Variants in CADM2 observed in about 807,000 individuals in gnomAD.
CADM2 encodes immunoglobulin superfamily member 4D.
A neutral mutation model predicts 49.8 loss-of-function variants in CADM2; 12 were observed. The ratio of observed to expected loss-of-function variants is 0.24; its 90% CI spans 0.15 to 0.39. CADM2 has a LOEUF of 0.39. Ranked by LOEUF, CADM2 falls within the 10% of genes least tolerant of loss-of-function variation. CADM2 has a pLI of 1.00. For missense variants in CADM2, 378 were observed against 492.3 expected, an observed-to-expected ratio of 0.77 and a Z score of 2.20; for synonymous variants, 214 against 175.4, an observed-to-expected ratio of 1.22 and a Z score of -1.74.
chr3:85,636,964 C>T (rs1385984782), intron 1 of CADM2, among the ~76,000 whole-genome samples: 2 of 152,136 alleles, frequency 1.3e-5, no homozygotes, highest in Non-Finnish European at 2.9e-5. Context: ...CATGACTGCA[C>T]TTGTTAGTTC....
At chr3:85,628,566 T>C (rs1047343680) in intron 1 of CADM2, among the ~76,000 whole-genome samples, 2 of 146,164 alleles carry the variant, frequency 1.4e-5, no homozygotes, top group African/African-American at 5.1e-5. Flanking sequence ...CACATATATA[T>C]ACATATATAC....
intron 1 of CADM2, among the ~76,000 whole-genome samples, chr3:85,299,920 G>A (rs376951337): frequency 3.9e-5 from 6 of 151,994 alleles, no homozygotes; most frequent in South Asian, 2.1e-4. Flanking sequence ...GTAGCAGATC[G>A]TCAGAAAGAC....
At chr3:85,461,224 G>C (rs1028018352) in intron 1 of CADM2, among the ~76,000 whole-genome samples, 4 of 151,954 alleles carry the variant, frequency 2.6e-5, no homozygotes, top group African/African-American at 9.7e-5. Flanking sequence ...ACATAAAAAG[G>C]CTTGCTCCCT....
At position 85,835,738 on chromosome 3, in the gene CADM2, T is replaced by A. The variant is rs1176783240; in HGVS notation, c.238+33542T>A. ...TGTATGTGTATATATATATATATCT[T>A]GCTATATGTATATAATATATAATAT... On this transcript the variant is annotated intron_variant, in intron 3 of 9. Transcript: ENST00000383699. Among the ~76,000 whole-genome samples, 5 of 142,310 alleles carry A rather than the reference T, an allele frequency of 3.5e-5. No homozygotes were observed. In the South Asian group the frequency reaches 1.1e-3, roughly 31 times the overall value. 93.4% of individuals were successfully genotyped at this position (142,310 alleles called of 152,430 possible).
At chr3:86,013,400 G>T (rs563831198) in intron 8 of CADM2, 6 of 1,542,358 alleles carry the variant, frequency 3.9e-6, no homozygotes, top group Non-Finnish European at 5.4e-6. Context: ...ATGGACAGGA[G>T]GCCGAAGAAA....
At chr3:85,942,945 C>A (rs1253753285) in intron 7 of CADM2, among the ~76,000 whole-genome samples, 1 of 152,074 alleles carries the variant, frequency 6.6e-6, no homozygotes, top group East Asian at 1.9e-4. Flanking sequence ...GTTCACAGTC[C>A]CACCAACAGT....
chr3:85,352,409 A>G (rs866368900), intron 1 of CADM2, among the ~76,000 whole-genome samples: 8 of 152,156 alleles, frequency 5.3e-5, no homozygotes, highest in African/African-American at 1.9e-4. Context: ...TAAGAAGTTT[A>G]TATTATTCTG....
intron 1 of CADM2, among the ~76,000 whole-genome samples, chr3:85,455,662 A>G (rs960191620): frequency 6.6e-6 from 1 of 152,136 alleles, no homozygotes; most frequent in African/African-American, 2.4e-5. Flanking sequence ...TTAATATCAC[A>G]GGATCCTGTA....
intron 1 of CADM2, among the ~76,000 whole-genome samples, chr3:84,979,017 A>G (rs944107748): frequency 6.6e-6 from 1 of 152,130 alleles, no homozygotes; most frequent in African/African-American, 2.4e-5. Context: ...TCACCCGGGG[A>G]AACAGCTCAT....
intron 1 of CADM2, among the ~76,000 whole-genome samples, chr3:85,136,919 T>C (rs2039429134): frequency 6.6e-6 from 1 of 151,982 alleles, no homozygotes; most frequent in African/African-American, 2.4e-5. Flanking sequence ...GAAGATGTCA[T>C]TGTCATAGGC....
chr3:85,018,978 T>C (rs1425360403), intron 1 of CADM2, among the ~76,000 whole-genome samples: 2 of 152,086 alleles, frequency 1.3e-5, no homozygotes, highest in East Asian at 3.9e-4. Flanking sequence ...GAAATAAACA[T>C]TGGGAAGGTA....
intron 1 of CADM2, among the ~76,000 whole-genome samples, chr3:85,062,299 T>A (rs2036361344): frequency 1.3e-5 from 2 of 152,062 alleles, no homozygotes; most frequent in Non-Finnish European, 2.9e-5. Context: ...TAAATACTCA[T>A]GGTAGTCCTA....
At chr3:85,121,391 T>A (rs1168534414) in intron 1 of CADM2, among the ~76,000 whole-genome samples, 1 of 152,172 alleles carries the variant, frequency 6.6e-6, no homozygotes, top group East Asian at 1.9e-4. Flanking sequence ...TACATATTCC[T>A]GTATGTCTCC....
rs758932762 is a variant in CADM2, at chr3:85,912,505, C to T, written c.662C>T (p.Ala221Val). 27 of 1,613,692 alleles carry T rather than the reference C, an allele frequency of 1.7e-5. No homozygotes were observed. The highest frequency in any genetic ancestry group is 2.3e-5 in the Non-Finnish European group (27 of 1,179,842). Reference protein sequence around the residue: ...ICRVDHESLNATPQVAMQVLE... With the variant: ...ICRVDHESLNVTPQVAMQVLE... ...AGAGTAGATCACGAATCCCTCAATG[C>T]CACCCCTCAGGTAGCCATGCAGGTG... is the stretch of plus-strand genomic sequence containing the variant. Residue 221 changes from alanine to valine, a missense_variant, in exon 6 of 10, where the codon GCC becomes GTC. Coordinates refer to ENST00000383699, the MANE Select transcript of CADM2 (RefSeq NM_001167675.2).
intron 8 of CADM2, among the ~76,000 whole-genome samples, chr3:85,971,406 A>C (rs1226050518): frequency 6.6e-6 from 1 of 151,712 alleles, no homozygotes; most frequent in Non-Finnish European, 1.5e-5. Flanking sequence ...AGATGCATAG[A>C]GGTTAAATTA....
intron 1 of CADM2, among the ~76,000 whole-genome samples, chr3:85,374,567 A>T (rs1382891567): frequency 6.6e-6 from 1 of 152,122 alleles, no homozygotes; most frequent in Non-Finnish European, 1.5e-5. Context: ...AATTTACTGT[A>T]TTAGTTCATT....
intron 1 of CADM2, among the ~76,000 whole-genome samples, chr3:85,503,352 C>T (rs1247318549): frequency 2.0e-5 from 3 of 152,088 alleles, no homozygotes; most frequent in African/African-American, 4.8e-5. Context: ...TTTTATTCCA[C>T]TATTTAAGGA....
chr3:85,911,194 A>G (rs1056251083), intron 5 of CADM2, among the ~76,000 whole-genome samples: 18 of 152,190 alleles, frequency 1.2e-4, no homozygotes, highest in African/African-American at 3.9e-4. Flanking sequence ...TCCATCAACT[A>G]CATTTAAGAT....
chr3:85,689,005 T>A (rs2066301299), intron 1 of CADM2, among the ~76,000 whole-genome samples: 1 of 152,200 alleles, frequency 6.6e-6, no homozygotes, highest in Admixed American at 6.5e-5. Flanking sequence ...GCACCTTTAC[T>A]TTTAATAGCC....
Sources: gnomAD v4.1 joint callset for allele counts (sites outside exome capture counted in the v4.1 genomes callset) on GRCh38, gnomAD v4.1.1 for gene constraint, MANE v1.5 for transcripts, NCBI Gene and HGNC (gene_info 2026-07-23, HGNC 2026-07-21) for gene names.